Variants in TACR1 observed in about 807,000 individuals in gnomAD.
TACR1 encodes the protein substance-P receptor.
In TACR1, 25 loss-of-function variants were observed where a neutral mutation model predicts 35.8. That is an observed-to-expected ratio of 0.70 (90% CI 0.51 to 0.98). The LOEUF is 0.98. Among genes scored for constraint, TACR1 ranks in the 50% least tolerant of loss-of-function variants. The probability of loss-of-function intolerance (pLI) is 0.00; values close to 1 mark genes in which losing one functional copy is unlikely to be tolerated. For synonymous variants in TACR1, 195 were observed against 206.7 expected, an observed-to-expected ratio of 0.94 and a Z score of 0.48; for missense variants, 478 against 522.9, an observed-to-expected ratio of 0.91 and a Z score of 0.84.
chr2:75,101,522 A>C (rs755320572), intron 2 of TACR1, among the ~76,000 whole-genome samples: 8 of 152,168 alleles, frequency 5.3e-5, no homozygotes, highest in Non-Finnish European at 1.0e-4. Flanking sequence ...TAACTTGCCA[A>C]AGTCACATAG....
intron 1 of TACR1, among the ~76,000 whole-genome samples, chr2:75,190,310 T>C (rs926609393): frequency 6.6e-6 from 1 of 152,172 alleles, no homozygotes; most frequent in Non-Finnish European, 1.5e-5. Context: ...AACATTTGGG[T>C]TTTCTGGACC....
intron 2 of TACR1, among the ~76,000 whole-genome samples, chr2:75,061,796 C>T (rs1573460813): frequency 6.6e-6 from 1 of 152,216 alleles, no homozygotes; most frequent in Admixed American, 6.5e-5. Flanking sequence ...AGTCAATTCC[C>T]ATGGGGCAGC....
chr2:75,118,865 T>G (rs1247955679), intron 2 of TACR1: 1 of 152,144 alleles, frequency 6.6e-6, no homozygotes, highest in Non-Finnish European at 1.5e-5. Flanking sequence ...GGCTTGAACA[T>G]GTTCACAGGT....
chr2:75,129,897 G>T (rs901296148), intron 1 of TACR1, among the ~76,000 whole-genome samples: 5 of 152,220 alleles, frequency 3.3e-5, no homozygotes, highest in African/African-American at 1.2e-4. Flanking sequence ...ACTAGGAAGG[G>T]GAATGATATT....
intron 1 of TACR1, among the ~76,000 whole-genome samples, chr2:75,194,624 A>G (rs948939034): frequency 6.6e-6 from 1 of 152,140 alleles, no homozygotes; most frequent in African/African-American, 2.4e-5. Flanking sequence ...TGATTTATTC[A>G]TGTTTTTGTT....
chr2:75,122,447 C>G (rs1673987705), intron 1 of TACR1, among the ~76,000 whole-genome samples: 1 of 152,196 alleles, frequency 6.6e-6, no homozygotes, highest in South Asian at 2.1e-4. Flanking sequence ...CCTCTCTGGT[C>G]TGTAAGGGCC....
intron 2 of TACR1, among the ~76,000 whole-genome samples, chr2:75,105,400 T>C (rs188850623): frequency 2.0e-3 from 304 of 152,022 alleles, no homozygotes; most frequent in African/African-American, 7.0e-3. Context: ...ATGGAGATGT[T>C]GGTCAAAGGG....
intron 2 of TACR1, among the ~76,000 whole-genome samples, chr2:75,056,483 C>A (rs1379763239): frequency 6.6e-6 from 1 of 152,198 alleles, no homozygotes; most frequent in Non-Finnish European, 1.5e-5. Flanking sequence ...ACCTGTTTAC[C>A]CGGCCTTGCC....
At chr2:75,157,780 T>A (rs528994923) in intron 1 of TACR1, among the ~76,000 whole-genome samples, 21 of 151,852 alleles carry the variant, frequency 1.4e-4, no homozygotes, top group Middle Eastern at 3.4e-3. Flanking sequence ...TTCTTTCAGT[T>A]CTGCCTACTG....
At chr2:75,156,015 T>C (rs941789512) in intron 1 of TACR1, among the ~76,000 whole-genome samples, 2 of 152,258 alleles carry the variant, frequency 1.3e-5, no homozygotes, top group African/African-American at 4.8e-5. Flanking sequence ...AAAAATTCTA[T>C]GAAATTCAAA....
chr2:75,158,552 C>A (rs1674921497), intron 1 of TACR1, among the ~76,000 whole-genome samples: 1 of 152,188 alleles, frequency 6.6e-6, no homozygotes, highest in Non-Finnish European at 1.5e-5. Flanking sequence ...TAGTAGTTAG[C>A]AGCAGGGTTA....
chr2:75,116,432 C>G (rs1420740720), intron 2 of TACR1, among the ~76,000 whole-genome samples: 3 of 152,078 alleles, frequency 2.0e-5, no homozygotes, highest in Non-Finnish European at 4.4e-5. Flanking sequence ...TTTATCCGTT[C>G]TACTGATGAT....
chr2:75,194,184 C>T (rs1056772641), intron 1 of TACR1, among the ~76,000 whole-genome samples: 4 of 151,956 alleles, frequency 2.6e-5, no homozygotes, highest in South Asian at 2.1e-4. Flanking sequence ...GCAAGTGTAA[C>T]GGAGCAGCTC....
chr2:75,098,019 T>A (rs1359317854), intron 2 of TACR1, among the ~76,000 whole-genome samples: 1 of 152,230 alleles, frequency 6.6e-6, no homozygotes, highest in African/African-American at 2.4e-5. Context: ...CACAGTTGGC[T>A]TTTGCCAGCT....
At chr2:75,081,415 G>A (rs1305013120) in intron 2 of TACR1, among the ~76,000 whole-genome samples, 1 of 152,200 alleles carries the variant, frequency 6.6e-6, no homozygotes, top group Non-Finnish European at 1.5e-5. Context: ...CTGTTAGACA[G>A]GGGATGCTGA....
At chr2:75,070,971 A>G (rs1036990708) in intron 2 of TACR1, among the ~76,000 whole-genome samples, 1 of 151,950 alleles carries the variant, frequency 6.6e-6, no homozygotes, top group Admixed American at 6.6e-5. Flanking sequence ...CAGGGAAAAA[A>G]AAACAAAGAA....
chr2:75,143,932 C>G (rs1023994445), intron 1 of TACR1, among the ~76,000 whole-genome samples: 1 of 152,174 alleles, frequency 6.6e-6, no homozygotes, highest in African/African-American at 2.4e-5. Context: ...ATAGTGTAAC[C>G]TCCCTAACTT....
intron 3 of TACR1, among the ~76,000 whole-genome samples, chr2:75,051,908 G>C (rs758521745): frequency 1.3e-5 from 2 of 152,134 alleles, no homozygotes; most frequent in Non-Finnish European, 2.9e-5. Flanking sequence ...GCCTGGAACA[G>C]CAGGCTGGGT....
chr2:75,185,102 A>C (rs1675659871), intron 1 of TACR1, among the ~76,000 whole-genome samples: 1 of 152,018 alleles, frequency 6.6e-6, no homozygotes, highest in Admixed American at 6.5e-5. Flanking sequence ...CCTAAATATA[A>C]ATAAAATTCA....
Sources: gnomAD v4.1 joint callset for allele counts (sites outside exome capture counted in the v4.1 genomes callset) on GRCh38, gnomAD v4.1.1 for gene constraint, MANE v1.5 for transcripts, NCBI Gene and HGNC (gene_info 2026-07-23, HGNC 2026-07-21) for gene names.